PRKAR1B: variants seen among roughly 807,000 people sequenced by gnomAD.
The protein encoded by PRKAR1B is cAMP-dependent protein kinase type I-beta regulatory subunit.
PRKAR1B carries 22 observed loss-of-function variants against 46.5 expected under a neutral mutation model. That is an observed-to-expected ratio of 0.47 (90% confidence interval 0.34 to 0.68). The LOEUF (loss-of-function observed/expected upper bound fraction) is 0.68, where lower values mean the gene tolerates loss of function less well. Ranked by LOEUF, PRKAR1B falls within the 30% of genes least tolerant of loss-of-function variation. The pLI is 0.01. For missense variants in PRKAR1B, 445 were observed against 535.6 expected (o/e 0.83, Z 1.67); for synonymous variants, 259 against 217.7 (o/e 1.19, Z -1.67).
At chr7:551,285 G>A in intron 10 of PRKAR1B, 104 bp downstream of exon 10, 1 of 1,087,824 alleles carries the variant, frequency 9.2e-7, no homozygotes, top group Non-Finnish European at 1.3e-6. Flanking sequence ...CCACTACAAG[G>A]CCCCAGGGAA....
chr7:561,029 C>T (rs991490968), intron 9 of PRKAR1B, among the ~76,000 whole-genome samples: 1 of 152,090 alleles, frequency 6.6e-6, no homozygotes, highest in Non-Finnish European at 1.5e-5. Flanking sequence ...CACGTGTGAA[C>T]ACACACACAT....
intron 1 of PRKAR1B, among the ~76,000 whole-genome samples, chr7:718,842 G>C (rs527406377): frequency 1.5e-4 from 21 of 136,740 alleles, no homozygotes; most frequent in Middle Eastern, 4.1e-3. Flanking sequence ...GTAACATACA[G>C]AACTTCATCT....
chr7:708,126 C>T (rs1780430317), intron 2 of PRKAR1B, among the ~76,000 whole-genome samples: 1 of 151,668 alleles, frequency 6.6e-6, no homozygotes, highest in African/African-American at 2.4e-5. Context: ...CCCAAAATCG[C>T]CAGAACCACC....
intron 2 of PRKAR1B, among the ~76,000 whole-genome samples, chr7:705,988 T>C (rs185106164): frequency 6.6e-6 from 1 of 151,986 alleles, no homozygotes; most frequent in South Asian, 2.1e-4. Flanking sequence ...ACTGTGCCAC[T>C]GCTCTCCAGC....
intron 4 of PRKAR1B, among the ~76,000 whole-genome samples, chr7:650,072 C>T (rs142410684): frequency 4.6e-5 from 7 of 151,930 alleles, no homozygotes; most frequent in African/African-American, 1.7e-4. Context: ...CCTGCCTCAG[C>T]CTCCTAGAGC....
At chr7:573,655 G>A (rs754310982) in intron 9 of PRKAR1B, among the ~76,000 whole-genome samples, 20 of 152,214 alleles carry the variant, frequency 1.3e-4, no homozygotes, top group South Asian at 8.3e-4. Context: ...GTGCCACTGC[G>A]GGGCCTGGCT....
chr7:614,873 C>T (rs536592299), intron 4 of PRKAR1B, among the ~76,000 whole-genome samples: 177 of 152,242 alleles, frequency 1.2e-3, no homozygotes, highest in African/African-American at 3.9e-3. Context: ...GATCGCACCA[C>T]TGCACTCCAA....
intron 6 of PRKAR1B, among the ~76,000 whole-genome samples, chr7:600,305 G>T (rs1358648311): frequency 1.3e-5 from 2 of 152,122 alleles, no homozygotes; most frequent in Non-Finnish European, 2.9e-5. Context: ...AGGAGTCTGA[G>T]ACCAGCCTGG....
intron 1 of PRKAR1B, among the ~76,000 whole-genome samples, chr7:720,213 C>T (rs1781024935): frequency 6.6e-6 from 1 of 152,058 alleles, no homozygotes; most frequent in South Asian, 2.1e-4. Flanking sequence ...CGTGCCACCA[C>T]ACCCAGCTAA....
At chr7:695,329 C>T (rs1318358576) in intron 2 of PRKAR1B, among the ~76,000 whole-genome samples, 2 of 152,192 alleles carry the variant, frequency 1.3e-5, no homozygotes, top group Non-Finnish European at 2.9e-5. Flanking sequence ...CTGGTCCTGT[C>T]CCGTCCCACA....
chr7:688,127 A>G (rs551437939), intron 2 of PRKAR1B, among the ~76,000 whole-genome samples: 37 of 143,656 alleles, frequency 2.6e-4, no homozygotes, highest in African/African-American at 8.3e-4. Context: ...AAAGCTGAGC[A>G]CGGTGGCTCA....
chr7:615,241 T>C (rs1321310398), intron 4 of PRKAR1B, among the ~76,000 whole-genome samples: 3 of 148,860 alleles, frequency 2.0e-5, no homozygotes, highest in Non-Finnish European at 3.0e-5. Context: ...CTGGCTAACA[T>C]GGTGAAACCC....
chr7:676,292 C>T (rs975821008), intron 4 of PRKAR1B, among the ~76,000 whole-genome samples: 2 of 152,200 alleles, frequency 1.3e-5, no homozygotes, highest in African/African-American at 4.8e-5. Context: ...CCTTCACGCT[C>T]AGCCCTCTCC....
intron 6 of PRKAR1B, among the ~76,000 whole-genome samples, chr7:599,106 C>T (rs968467411): frequency 6.6e-6 from 1 of 152,198 alleles, no homozygotes; most frequent in African/African-American, 2.4e-5. Flanking sequence ...GAGCTCCCTC[C>T]GCAGCCTCAG....
At chr7:561,703 C>T (rs147297384) in intron 9 of PRKAR1B, among the ~76,000 whole-genome samples, 1 of 152,252 alleles carries the variant, frequency 6.6e-6, no homozygotes. Context: ...CACACTTCAG[C>T]GGGCGAGCCG....
intron 7 of PRKAR1B, among the ~76,000 whole-genome samples, chr7:590,996 A>G (rs2128453091): frequency 6.6e-6 from 1 of 152,358 alleles, no homozygotes; most frequent in East Asian, 1.9e-4. Context: ...GATTTCTGCC[A>G]GCCATAAAAA....
At chr7:558,526 T>C (rs1302661968) in intron 9 of PRKAR1B, among the ~76,000 whole-genome samples, 1 of 151,548 alleles carries the variant, frequency 6.6e-6, no homozygotes, top group East Asian at 1.9e-4. Flanking sequence ...GAGGCCGAGG[T>C]GGGCAGATCA....
intron 6 of PRKAR1B, among the ~76,000 whole-genome samples, chr7:600,089 T>TTGGGAATGTC (rs1303074776): frequency 2.0e-5 from 3 of 152,248 alleles, no homozygotes; most frequent in Non-Finnish European, 4.4e-5. Context: ...AGCTTCAGTT[T>TTGGGAATGTC]AAGAAGACAA....
intron 2 of PRKAR1B, among the ~76,000 whole-genome samples, chr7:699,180 C>T (rs1221377136): frequency 6.6e-6 from 1 of 152,254 alleles, no homozygotes; most frequent in Non-Finnish European, 1.5e-5. Flanking sequence ...GGTTTGCGCC[C>T]AGCTCCATGA....
Sources: allele counts gnomAD v4.1 joint callset (sites outside exome capture counted in the v4.1 genomes callset), GRCh38; gene constraint gnomAD v4.1.1; transcripts MANE v1.5; gene names NCBI Gene and HGNC (gene_info 2026-07-23, HGNC 2026-07-21).